NCAM2: variants seen among roughly 807,000 people sequenced by gnomAD.
NCAM2 encodes the protein N-CAM-2.
NCAM2 carries 30 observed loss-of-function variants against 98.1 expected under a neutral mutation model. The observed-to-expected ratio is 0.31, with a 90% CI of 0.23 to 0.41. NCAM2 has a LOEUF of 0.41. NCAM2 is among the 10% of genes least tolerant of loss of function. NCAM2 has a pLI of 1.00. For synonymous variants in NCAM2, 368 were observed against 342.4 expected, an observed-to-expected ratio of 1.07 and a Z score of -0.83; for missense variants, 867 against 1,005.8, an observed-to-expected ratio of 0.86 and a Z score of 1.87.
In NCAM2 at chr21:21,542,806, T is replaced by A. The variant is rs888412845; in HGVS notation, c.*4849T>A. 2 of 151,848 alleles carry A rather than the reference T, an allele frequency of 1.3e-5. No homozygotes were observed. The highest frequency in any genetic ancestry group is 1.3e-4 in the Admixed American group (2 of 15,156). 9.4% of individuals were successfully genotyped at this position (151,848 alleles called of 1,614,324 possible). ...TACACTGATGCGAAGGAGAAAACAG[T>A]GTAACACAGAGGAGAAAGTTAACAG... On this transcript the variant is annotated 3_prime_UTR_variant, in exon 18 of 18. Coordinates refer to ENST00000400546, the MANE Select transcript of NCAM2 (RefSeq NM_004540.5).
intron 1 of NCAM2, among the ~76,000 whole-genome samples, chr21:21,063,124 A>C (rs542400534): frequency 6.6e-6 from 1 of 151,900 alleles, no homozygotes; most frequent in Non-Finnish European, 1.5e-5. Flanking sequence ...GTTCTGTAGC[A>C]TAGGTAAATA....
chr21:21,213,734 A>C (rs141824321), intron 1 of NCAM2, among the ~76,000 whole-genome samples: 1 of 152,194 alleles, frequency 6.6e-6, no homozygotes, highest in Non-Finnish European at 1.5e-5. Flanking sequence ...TAACATATGG[A>C]TATAACATCA....
intron 1 of NCAM2, among the ~76,000 whole-genome samples, chr21:21,260,306 A>G (rs770400900): frequency 6.6e-6 from 1 of 152,070 alleles, no homozygotes; most frequent in Admixed American, 6.6e-5. Context: ...AAAATTCCTA[A>G]TCTTCCTAGA....
chr21:21,223,485 T>C (rs1394359690), intron 1 of NCAM2: 1 of 152,158 alleles, frequency 6.6e-6, no homozygotes, highest in East Asian at 1.9e-4. Context: ...AAATGGTGAA[T>C]AAATTGCAAG....
chr21:21,018,064 A>G (rs563992028), intron 1 of NCAM2, among the ~76,000 whole-genome samples: 1 of 152,302 alleles, frequency 6.6e-6, no homozygotes, highest in Admixed American at 6.5e-5. Flanking sequence ...TTTTGCTTCT[A>G]AGAAGCAAAT....
intron 1 of NCAM2, among the ~76,000 whole-genome samples, chr21:21,130,490 A>G (rs2146609826): frequency 6.6e-6 from 1 of 152,282 alleles, no homozygotes; most frequent in Admixed American, 6.5e-5. Flanking sequence ...TGCTTCCAAT[A>G]ACATTTTCCC....
intron 8 of NCAM2, among the ~76,000 whole-genome samples, chr21:21,363,887 T>C (rs576952269): frequency 3.4e-4 from 52 of 152,208 alleles, no homozygotes; most frequent in South Asian, 1.0e-3. Context: ...TCCTATACAT[T>C]ATTTTATCTT....
intron 16 of NCAM2, 28 bp downstream of exon 16, chr21:21,509,083 A>G: frequency 1.2e-6 from 2 of 1,609,882 alleles, no homozygotes; most frequent in Non-Finnish European, 1.7e-6. Flanking sequence ...ACATCATGTC[A>G]TATTAAACAA....
At chr21:21,329,261 AC>A (rs1348168697) in intron 6 of NCAM2, among the ~76,000 whole-genome samples, 7 of 152,012 alleles carry the variant, frequency 4.6e-5, no homozygotes, top group Non-Finnish European at 1.0e-4. Context: ...ACACTTTTAT[AC>A]CATATTTTTT....
At chr21:21,475,268 C>G (rs1037816441) in intron 14 of NCAM2, among the ~76,000 whole-genome samples, 4 of 151,972 alleles carry the variant, frequency 2.6e-5, no homozygotes, top group African/African-American at 9.7e-5. Context: ...ATATCACCTC[C>G]CCACTGGTGA....
intron 1 of NCAM2, among the ~76,000 whole-genome samples, chr21:21,101,457 ACT>A (rs2066238894): frequency 6.6e-6 from 1 of 152,026 alleles, no homozygotes; most frequent in Admixed American, 6.6e-5. Context: ...ACTCATGCAT[ACT>A]CTCATAAGAA....
intron 10 of NCAM2, among the ~76,000 whole-genome samples, chr21:21,413,395 T>C (rs570390631): frequency 1.3e-5 from 2 of 152,326 alleles, no homozygotes; most frequent in South Asian, 4.1e-4. Flanking sequence ...ATTAATATTA[T>C]ACACTTAGCT....
chr21:21,461,936 C>T (rs1443792163), intron 12 of NCAM2, among the ~76,000 whole-genome samples: 5 of 151,960 alleles, frequency 3.3e-5, no homozygotes, highest in Non-Finnish European at 4.4e-5. Flanking sequence ...AAATGTTCTG[C>T]GTGTGTATAG....
intron 16 of NCAM2, among the ~76,000 whole-genome samples, chr21:21,520,421 T>TGTGTCTG (rs1222483200): frequency 2.6e-5 from 4 of 152,146 alleles, no homozygotes; most frequent in African/African-American, 9.7e-5. Flanking sequence ...TGGTGGGGTG[T>TGTGTCTG]GTGGAAGATG....
chr21:21,199,665 A>G (rs1476858687), intron 1 of NCAM2, among the ~76,000 whole-genome samples: 2 of 152,228 alleles, frequency 1.3e-5, no homozygotes, highest in Non-Finnish European at 2.9e-5. Context: ...CAAAAATAAT[A>G]AAGTAAGATT....
intron 1 of NCAM2, among the ~76,000 whole-genome samples, chr21:21,255,097 T>C (rs1167596598): frequency 1.3e-5 from 2 of 152,098 alleles, no homozygotes; most frequent in African/African-American, 4.8e-5. Context: ...TATTAACAAT[T>C]TGGGAAGGGC....
In NCAM2 at chr21:21,418,544, T is replaced by G; in HGVS notation, c.1455T>G (p.Phe485Leu). The G allele has an allele frequency of 6.2e-7, 1 of 1,610,116 alleles. No individual in the cohort carries two copies. The highest frequency in any genetic ancestry group is 8.5e-7 in the Non-Finnish European group (1 of 1,176,486). Reference sequence around the variant, plus strand: ...CCACTAATCATATAGGAACAAGATTTCAAGAATATATTCTTGCTTTGGCTG... The same window carrying G: ...CCACTAATCATATAGGAACAAGATTGCAAGAATATATTCTTGCTTTGGCTG... The part of the protein sequence containing the change: ...CTATNHIGTR[F>L]QEYILALADV... The change falls in exon 11 of 18, where the codon TTT becomes TTG. Residue 485 changes from phenylalanine to leucine, a missense_variant. This residue lies in a region of NCAM2 where 234 missense variants were observed against 333.8 expected (regional missense o/e 0.70). Coordinates refer to ENST00000400546, the MANE Select transcript of NCAM2 (RefSeq NM_004540.5).
intron 1 of NCAM2, among the ~76,000 whole-genome samples, chr21:21,080,301 A>G (rs1437504366): frequency 6.6e-6 from 1 of 152,150 alleles, no homozygotes; most frequent in Non-Finnish European, 1.5e-5. Flanking sequence ...TAAAGACATT[A>G]ACATTTCGCC....
intron 9 of NCAM2, among the ~76,000 whole-genome samples, chr21:21,389,282 G>A (rs2076332184): frequency 6.6e-6 from 1 of 152,100 alleles, no homozygotes; most frequent in Non-Finnish European, 1.5e-5. Flanking sequence ...AGCATCAGAT[G>A]TTATGAGACT....
Sources: allele counts gnomAD v4.1 joint callset (sites outside exome capture counted in the v4.1 genomes callset), GRCh38; gene constraint gnomAD v4.1.1; regional missense constraint gnomAD v4.1.1; transcripts MANE v1.5; gene names NCBI Gene and HGNC (gene_info 2026-07-23, HGNC 2026-07-21).